Variants in PTPRM observed in about 807,000 individuals in gnomAD.
The protein encoded by PTPRM is receptor-type tyrosine-protein phosphatase mu.
In PTPRM, 47 loss-of-function variants were observed where a neutral mutation model predicts 186.7. The ratio of observed to expected loss-of-function variants is 0.25; its 90% CI spans 0.20 to 0.32. The LOEUF (loss-of-function observed/expected upper bound fraction) is 0.32. Ranked by LOEUF, PTPRM falls within the 10% of genes least tolerant of loss-of-function variation. PTPRM has a pLI of 1.00. For synonymous variants in PTPRM, 668 were observed against 674.9 expected, an observed-to-expected ratio of 0.99 and a Z score of 0.16; for missense variants, 1,494 against 1,865.0, an observed-to-expected ratio of 0.80 and a Z score of 3.66.
chr18:8,274,763 G>A (rs1358344769), intron 19 of PTPRM, among the ~76,000 whole-genome samples: 2 of 152,204 alleles, frequency 1.3e-5, no homozygotes, highest in Non-Finnish European at 2.9e-5. Context: ...AAAACTTTGA[G>A]CCAGAGTGGA....
At chr18:8,072,063 T>G (rs1205306808) in intron 8 of PTPRM, among the ~76,000 whole-genome samples, 1 of 152,200 alleles carries the variant, frequency 6.6e-6, no homozygotes, top group African/African-American at 2.4e-5. Context: ...ATGTATTTTT[T>G]TCTTTTTATT....
chr18:8,126,002 T>TTTTTTTTTTTTTTAA (rs2092336661), intron 13 of PTPRM, among the ~76,000 whole-genome samples: 3 of 18,056 alleles, frequency 1.7e-4, no homozygotes, highest in African/African-American at 3.6e-4. Context: ...TATATATATA[T>TTTTTTTTTTTTTTAA]ATATATATAT....
At chr18:7,753,320 A>G (rs2041313435) in intron 1 of PTPRM, among the ~76,000 whole-genome samples, 1 of 152,104 alleles carries the variant, frequency 6.6e-6, no homozygotes, top group Admixed American at 6.5e-5. Context: ...AATTATATGT[A>G]TATCTATACA....
intron 1 of PTPRM, among the ~76,000 whole-genome samples, chr18:7,658,332 A>ATT (rs2038900570): frequency 1.4e-5 from 1 of 73,162 alleles, no homozygotes; most frequent in African/African-American, 1.2e-4. Context: ...AAGTAAATTT[A>ATT]TATATATATA....
intron 1 of PTPRM, among the ~76,000 whole-genome samples, chr18:7,584,267 T>G (rs2036919626): frequency 6.6e-6 from 1 of 152,210 alleles, no homozygotes; most frequent in East Asian, 1.9e-4. Context: ...ATTTATGAAG[T>G]AATGGTCATT....
chr18:7,609,185 T>G (rs1207906167), intron 1 of PTPRM, among the ~76,000 whole-genome samples: 5 of 152,366 alleles, frequency 3.3e-5, no homozygotes. Context: ...CTGAGATTTT[T>G]CTGCCCAGCC....
intron 13 of PTPRM, among the ~76,000 whole-genome samples, chr18:8,126,963 G>A (rs923234987): frequency 3.9e-5 from 6 of 152,066 alleles, no homozygotes; most frequent in Non-Finnish European, 5.9e-5. Flanking sequence ...AACTGTGACC[G>A]TGTACCTTAC....
rs143071370 is a variant in PTPRM, at chr18:7,736,408, C to G, written c.74-37741C>G. ...GATCTCAGCTCACTGCAACCTCCGC[C>G]TTCTGGGCTCAAGCAATTCTCCTGC... On this transcript the variant is annotated intron_variant, in intron 1 of 32. Transcript: ENST00000580170. 3.1e-3 allele frequency among the ~76,000 whole-genome samples: 467 copies of G among 152,252 alleles called. 7 individuals carry two copies. The highest frequency in any genetic ancestry group is 0.011 in the African/African-American group (451 of 41,546).
intron 7 of PTPRM, among the ~76,000 whole-genome samples, chr18:8,004,837 C>T (rs2084082960): frequency 6.6e-6 from 1 of 152,110 alleles, no homozygotes; most frequent in Non-Finnish European, 1.5e-5. Flanking sequence ...TCGCCGTTTA[C>T]CCTACTTTTA....
intron 16 of PTPRM, 43 bp from the exon 17 acceptor site, chr18:8,248,107 C>T (rs769617083): frequency 2.0e-6 from 3 of 1,516,834 alleles, no homozygotes; most frequent in Non-Finnish European, 2.7e-6. Flanking sequence ...TGTTCTTTCT[C>T]TTTTTACTTT....
chr18:7,840,415 T>C (rs2046266741), intron 2 of PTPRM, among the ~76,000 whole-genome samples: 1 of 152,220 alleles, frequency 6.6e-6, no homozygotes, highest in Non-Finnish European at 1.5e-5. Context: ...ATTAGGCAAA[T>C]TCTTCCTCTG....
chr18:8,276,013 C>T (rs2094830051), intron 19 of PTPRM, among the ~76,000 whole-genome samples: 1 of 152,042 alleles, frequency 6.6e-6, no homozygotes, highest in African/African-American at 2.4e-5. Flanking sequence ...CCACATTTTC[C>T]CTCAATTCCA....
At chr18:7,674,650 G>A (rs967467169) in intron 1 of PTPRM, among the ~76,000 whole-genome samples, 1 of 152,232 alleles carries the variant, frequency 6.6e-6, no homozygotes, top group African/African-American at 2.4e-5. Flanking sequence ...TAGGTAGAGA[G>A]TGGGCAGCCC....
At chr18:7,689,162 G>A (rs1488631994) in intron 1 of PTPRM, among the ~76,000 whole-genome samples, 1 of 152,152 alleles carries the variant, frequency 6.6e-6, no homozygotes, top group Non-Finnish European at 1.5e-5. Context: ...AAGTAACTGG[G>A]ATTCATGGAA....
At chr18:8,031,570 T>A (rs1267749175) in intron 7 of PTPRM, among the ~76,000 whole-genome samples, 1 of 152,166 alleles carries the variant, frequency 6.6e-6, no homozygotes, top group Non-Finnish European at 1.5e-5. Context: ...CTTAAGTGAA[T>A]GAATTACAGA....
In PTPRM at chr18:8,253,254, C is replaced by T. The variant is rs906560989; in HGVS notation, c.2594C>T (p.Thr865Ile). Residue 865 changes from threonine to isoleucine, a missense_variant, in exon 19 of 33, where the codon ACC (threonine) becomes ATC (isoleucine). Physicochemically the swap from Thr to Ile is moderately conservative, Grantham distance 89. Around this residue, in one of 3 missense-constraint regions of PTPRM, gnomAD observed 1,107 missense variants for 1,350.2 expected, o/e 0.82. Coordinates refer to ENST00000580170, the MANE Select transcript of PTPRM (RefSeq NM_001105244.2). ...NDETHTMASDTSSLVQSHTYK... is the reference protein window; with the variant it reads ...NDETHTMASDISSLVQSHTYK... Reference sequence around the variant, plus strand: ...GAAACCCACACAATGGCCAGCGATACCAGCAGCCTGGTGCAGTCCCATACT... The same window carrying T: ...GAAACCCACACAATGGCCAGCGATATCAGCAGCCTGGTGCAGTCCCATACT... The T allele has an allele frequency of 1.3e-6, 2 of 1,541,192 alleles. No individual in the cohort carries two copies. Among genetic ancestry groups the T allele is most frequent in the Non-Finnish European group, 1.8e-6 (2 of 1,142,318 alleles).
At position 7,846,037 on chromosome 18, in the gene PTPRM, C is replaced by T. The variant is rs140044139; in HGVS notation, c.197-42069C>T. On this transcript the variant is annotated intron_variant, in intron 2 of 32. Coordinates refer to ENST00000580170, the MANE Select transcript of PTPRM (RefSeq NM_001105244.2). ...GGCAAGGAGATTGAGTCTTTAGACC[C>T]CAGTGTTCATCAGTCATTTGATGCG... 8.5e-4 allele frequency among the ~76,000 whole-genome samples: 129 copies of T among 152,210 alleles called. 1 individual carries two copies. The highest frequency in any genetic ancestry group is 3.0e-3 in the African/African-American group (125 of 41,532).
intron 2 of PTPRM, chr18:7,815,069 A>T (rs2145534355): frequency 6.6e-6 from 1 of 152,278 alleles, no homozygotes; most frequent in African/African-American, 2.4e-5. Flanking sequence ...CCCAGATAGT[A>T]TCAAGGAACT....
At chr18:7,693,716 T>G (rs1000298657) in intron 1 of PTPRM, among the ~76,000 whole-genome samples, 1 of 152,176 alleles carries the variant, frequency 6.6e-6, no homozygotes, top group African/African-American at 2.4e-5. Flanking sequence ...TTGCTGCTAT[T>G]AAAGGACTGA....
Sources: allele counts gnomAD v4.1 joint callset (sites outside exome capture counted in the v4.1 genomes callset), GRCh38; gene constraint gnomAD v4.1.1; regional missense constraint gnomAD v4.1.1; transcripts MANE v1.5; gene names NCBI Gene and HGNC (gene_info 2026-07-23, HGNC 2026-07-21).